Variants in CNTNAP2 observed in about 807,000 individuals in gnomAD.
CNTNAP2 encodes contactin associated protein 2, also known as contactin-associated protein-like 2.
A neutral mutation model predicts 155.2 loss-of-function variants in CNTNAP2; 98 were observed. That is an observed-to-expected ratio of 0.63 (90% confidence interval 0.54 to 0.75). The LOEUF (loss-of-function observed/expected upper bound fraction) is 0.75. Among genes scored for constraint, CNTNAP2 ranks in the 30% least tolerant of loss-of-function variants. The pLI is 0.00. For missense variants in CNTNAP2, 1,727 were observed against 1,688.1 expected (o/e 1.02, Z -0.40); for synonymous variants, 651 against 631.2 (o/e 1.03, Z -0.47).
At chr7:147,317,852 T>C (rs572836423) in intron 9 of CNTNAP2, among the ~76,000 whole-genome samples, 13 of 151,336 alleles carry the variant, frequency 8.6e-5, no homozygotes, top group Non-Finnish European at 1.6e-4. Context: ...ATCTCTTTTT[T>C]TTCCTTGGCT....
chr7:146,444,006 A>G (rs899549348), intron 1 of CNTNAP2, among the ~76,000 whole-genome samples: 1 of 152,126 alleles, frequency 6.6e-6, no homozygotes, highest in African/African-American at 2.4e-5. Flanking sequence ...AAACTGTCTA[A>G]TTAGTTGGTA....
At chr7:148,224,846 G>A (rs1406668434) in intron 19 of CNTNAP2, among the ~76,000 whole-genome samples, 2 of 152,154 alleles carry the variant, frequency 1.3e-5, no homozygotes, top group African/African-American at 4.8e-5. Context: ...GAAGTGCAGA[G>A]CAAAGGAGGG....
At chr7:146,979,462 A>G (rs1797974004) in intron 3 of CNTNAP2, among the ~76,000 whole-genome samples, 1 of 152,214 alleles carries the variant, frequency 6.6e-6, no homozygotes, top group Non-Finnish European at 1.5e-5. Flanking sequence ...AAACTAAATA[A>G]CAACACCCTT....
intron 12 of CNTNAP2, among the ~76,000 whole-genome samples, chr7:147,580,539 A>G (rs1474740810): frequency 7.3e-6 from 1 of 137,766 alleles, no homozygotes; most frequent in African/African-American, 2.8e-5. Flanking sequence ...GACAGTTCGA[A>G]CATTTCCTGA....
chr7:147,827,380 G>A (rs142715912), intron 13 of CNTNAP2, among the ~76,000 whole-genome samples: 154 of 152,234 alleles, frequency 1.0e-3, no homozygotes, highest in African/African-American at 3.5e-3. Flanking sequence ...AAGTGGTTGT[G>A]TAAGTTGTAC....
chr7:146,503,125 C>A (rs1203272721), intron 1 of CNTNAP2, among the ~76,000 whole-genome samples: 1 of 152,052 alleles, frequency 6.6e-6, no homozygotes, highest in African/African-American at 2.4e-5. Context: ...AATGTTTTCT[C>A]CCATTCTGTA....
chr7:147,353,934 G>C (rs1056540057), intron 9 of CNTNAP2, among the ~76,000 whole-genome samples: 1 of 151,550 alleles, frequency 6.6e-6, no homozygotes, highest in Admixed American at 6.6e-5. Flanking sequence ...TCGCAAAAAT[G>C]TCTTCCTTTG....
rs941052179 is a variant in CNTNAP2 at position 147,037,455 on chromosome 7, CTT to C, written c.403-6433_403-6432del. 3.7e-4 allele frequency among the ~76,000 whole-genome samples: 50 copies of C among 134,632 alleles called. 1 individual carries two copies. The highest frequency in any genetic ancestry group is 9.5e-4 in the South Asian group (4 of 4,216). 88.3% of individuals were successfully genotyped at this position (134,632 alleles called of 152,430 possible). A position where few individuals can be genotyped will look rare whatever the true frequency, so the allele number is the denominator to read the frequency against. On this transcript the variant is annotated intron_variant, in intron 3 of 23. Transcript: ENST00000361727. Reference sequence around the variant, plus strand: ...ACATCCAGTTTTGTTTTTTTTTTCCCTTTTTTTTTTTTTTTTTTTTATTGAGA... The same window carrying C: ...ACATCCAGTTTTGTTTTTTTTTTCCCTTTTTTTTTTTTTTTTTTATTGAGA...
chr7:146,998,915 A>C (rs951073998), intron 3 of CNTNAP2, among the ~76,000 whole-genome samples: 1 of 151,880 alleles, frequency 6.6e-6, no homozygotes, highest in Admixed American at 6.6e-5. Flanking sequence ...CTTGTAGTGC[A>C]TTTCAACATA....
chr7:147,394,575 A>G, intron 9 of CNTNAP2, among the ~76,000 whole-genome samples: 1 of 152,012 alleles, frequency 6.6e-6, no homozygotes. Context: ...GAAAAGTAGA[A>G]GCTCTGGGGA....
At chr7:146,741,860 G>A (rs1032424524) in intron 1 of CNTNAP2, among the ~76,000 whole-genome samples, 19 of 152,068 alleles carry the variant, frequency 1.2e-4, no homozygotes, top group East Asian at 7.7e-4. Flanking sequence ...AGAGGGTACC[G>A]AAGGATGGAG....
At chr7:147,602,947 C>T (rs1180571051) in intron 12 of CNTNAP2, among the ~76,000 whole-genome samples, 4 of 152,122 alleles carry the variant, frequency 2.6e-5, no homozygotes, top group Admixed American at 6.5e-5. Context: ...CTGCAATAAA[C>T]GTACATGTGC....
At chr7:147,275,008 A>G (rs1009856679) in intron 8 of CNTNAP2, among the ~76,000 whole-genome samples, 1 of 151,922 alleles carries the variant, frequency 6.6e-6, no homozygotes, top group Admixed American at 6.6e-5. Context: ...ATCCTGTTCT[A>G]TTGATCTGTG....
chr7:148,261,451 G>A (rs969064771), intron 20 of CNTNAP2, among the ~76,000 whole-genome samples: 1 of 152,188 alleles, frequency 6.6e-6, no homozygotes, highest in African/African-American at 2.4e-5. Context: ...GAGCCACCAC[G>A]CCCAACGCAT....
chr7:147,876,770 A>C (rs1799426107), intron 13 of CNTNAP2, among the ~76,000 whole-genome samples: 1 of 152,032 alleles, frequency 6.6e-6, no homozygotes, highest in Non-Finnish European at 1.5e-5. Context: ...TGTGATGTTT[A>C]GTTTGTTAAT....
At chr7:147,307,584 C>A (rs1156430066) in intron 9 of CNTNAP2, among the ~76,000 whole-genome samples, 1 of 136,808 alleles carries the variant, frequency 7.3e-6, no homozygotes, top group Non-Finnish European at 1.5e-5. Context: ...ACTCCATACC[C>A]CACCTGCCCC....
In CNTNAP2 at chr7:147,849,731, T is replaced by G. The variant is rs183865269; in HGVS notation, c.2099-53834T>G. 9.8e-5 allele frequency among the ~76,000 whole-genome samples: 15 copies of G among 152,328 alleles called. 1 individual carries two copies. The highest frequency in any genetic ancestry group is 6.5e-4 in the Admixed American group (10 of 15,300). On this transcript the variant is annotated intron_variant, in intron 13 of 23. Coordinates refer to ENST00000361727, the MANE Select transcript of CNTNAP2 (RefSeq NM_014141.6). Reference sequence around the variant, plus strand: ...GCCAGGGACTCTGTGGACCCAGCCATGCCCTTTCTGTCACCAAGGCCACAT... The same window carrying G: ...GCCAGGGACTCTGTGGACCCAGCCAGGCCCTTTCTGTCACCAAGGCCACAT...
At chr7:146,948,614 T>C (rs1797241864) in intron 3 of CNTNAP2, among the ~76,000 whole-genome samples, 1 of 152,216 alleles carries the variant, frequency 6.6e-6, no homozygotes, top group African/African-American at 2.4e-5. Flanking sequence ...ATAAGTGCTT[T>C]ATAAAATGTA....
intron 15 of CNTNAP2, among the ~76,000 whole-genome samples, chr7:147,998,003 C>T (rs1382452489): frequency 6.6e-6 from 1 of 151,668 alleles, no homozygotes; most frequent in Non-Finnish European, 1.5e-5. Context: ...GATAGCTTTG[C>T]TTGAACGAGC....
Sources: gnomAD v4.1 joint callset for allele counts (sites outside exome capture counted in the v4.1 genomes callset) on GRCh38, gnomAD v4.1.1 for gene constraint, MANE v1.5 for transcripts, NCBI Gene and HGNC (gene_info 2026-07-23, HGNC 2026-07-21) for gene names.